Variants in GKAP1 observed in about 807,000 individuals in gnomAD.
The protein encoded by GKAP1 is G kinase anchoring protein 1, also known as G kinase-anchoring protein 1.
GKAP1 carries 31 observed loss-of-function variants against 56.7 expected under a neutral mutation model. The observed-to-expected ratio is 0.55, with a 90% CI of 0.41 to 0.74. The LOEUF is 0.74. GKAP1 is among the 30% of genes least tolerant of loss of function. The pLI, the probability that GKAP1 is intolerant of heterozygous loss-of-function variation, is 0.00. For missense variants in GKAP1, 364 were observed against 402.3 expected (o/e 0.90, Z 0.82); for synonymous variants, 151 against 138.6 (o/e 1.09, Z -0.63).
intron 10 of GKAP1, among the ~76,000 whole-genome samples, chr9:83,744,677 T>C (rs1217769718): frequency 6.6e-6 from 1 of 152,194 alleles, no homozygotes; most frequent in Non-Finnish European, 1.5e-5. Context: ...TCGTAAGTAT[T>C]GTGGGGATTT....
chr9:83,771,250 T>A (rs1309462369), intron 7 of GKAP1, among the ~76,000 whole-genome samples: 2 of 151,810 alleles, frequency 1.3e-5, no homozygotes, highest in African/African-American at 2.4e-5. Flanking sequence ...GTTTGTTTGT[T>A]TGTTTGTTTG....
chr9:83,805,228 C>T (rs993608824), intron 3 of GKAP1, among the ~76,000 whole-genome samples: 2 of 152,080 alleles, frequency 1.3e-5, no homozygotes, highest in Non-Finnish European at 2.9e-5. Flanking sequence ...GGATTAAGGG[C>T]GGTGCAAGAT....
intron 4 of GKAP1, 23 bp downstream of exon 4, chr9:83,799,162 C>G (rs773098104): frequency 1.2e-6 from 2 of 1,606,446 alleles, no homozygotes. Flanking sequence ...AAAAACAAAG[C>G]AATTTTATTT....
intron 3 of GKAP1, among the ~76,000 whole-genome samples, chr9:83,802,483 G>GAA (rs201998640): frequency 0.02 from 1,130 of 57,122 alleles, 24 homozygotes; most frequent in African/African-American, 0.063. Context: ...CTCCATCTCA[G>GAA]AAAAAAAAAA....
At chr9:83,810,058 C>T (rs757951660) in intron 2 of GKAP1, among the ~76,000 whole-genome samples, 10 of 152,128 alleles carry the variant, frequency 6.6e-5, no homozygotes, top group Admixed American at 3.3e-4. Context: ...GTGATCCTAC[C>T]GCCTTAGCCT....
At chr9:83,799,710 T>C (rs1241541367) in intron 3 of GKAP1, among the ~76,000 whole-genome samples, 3 of 152,084 alleles carry the variant, frequency 2.0e-5, no homozygotes, top group Admixed American at 1.3e-4. Context: ...TCTTAGCCCA[T>C]TGGAAGGGTG....
intron 10 of GKAP1, among the ~76,000 whole-genome samples, chr9:83,743,342 C>T (rs567959334): frequency 2.6e-5 from 4 of 152,030 alleles, no homozygotes; most frequent in Non-Finnish European, 5.9e-5. Flanking sequence ...CACCTGTAAT[C>T]CTAGCACTTT....
intron 8 of GKAP1, among the ~76,000 whole-genome samples, chr9:83,761,888 T>C (rs1587701476): frequency 6.6e-6 from 1 of 152,146 alleles, no homozygotes; most frequent in East Asian, 1.9e-4. Flanking sequence ...AAAAACTGGG[T>C]ATAGAAGGAA....
chr9:83,794,155 A>G (rs1412169839), intron 4 of GKAP1, among the ~76,000 whole-genome samples: 8 of 152,152 alleles, frequency 5.3e-5, no homozygotes, highest in Admixed American at 5.2e-4. Flanking sequence ...CGATGGGAGT[A>G]AGACCCCATC....
intron 8 of GKAP1, among the ~76,000 whole-genome samples, chr9:83,761,942 A>C (rs546032096): frequency 3.7e-4 from 54 of 145,390 alleles, no homozygotes; most frequent in African/African-American, 1.3e-3. Context: ...AACCCACAGC[A>C]AGTAATATAC....
intron 8 of GKAP1, among the ~76,000 whole-genome samples, chr9:83,763,528 A>G (rs963910783): frequency 1.3e-5 from 2 of 152,216 alleles, no homozygotes; most frequent in Admixed American, 6.5e-5. Context: ...CTTGGAACCC[A>G]TAAATATATA....
chr9:83,817,110 G>C lies in GKAP1; in HGVS notation c.-158C>G, dbSNP rs1944622789. On this transcript the variant is annotated 5_prime_UTR_variant, in exon 2 of 13. Coordinates refer to ENST00000376371, the MANE Select transcript of GKAP1 (RefSeq NM_025211.4). ...CGCTGGGCGAAACCTAACTCGGGCA[G>C]AGAAGCGGCTTCAAAACCTGAAAGG... The C allele has an allele frequency of 6.6e-6, 1 of 152,204 alleles. No homozygotes were observed. The highest frequency in any genetic ancestry group is 2.1e-4 in the South Asian group (1 of 4,838). The allele number at this position is 152,204 out of a possible 1,614,324, so 9.4% of individuals were successfully genotyped here. A position where few individuals can be genotyped will look rare whatever the true frequency, so the allele number is the denominator to read the frequency against.
chr9:83,806,527 T>C lies in GKAP1; in HGVS notation c.-10A>G. 6.2e-7 allele frequency: 1 copy of C among 1,608,774 alleles called. No individual in the cohort carries two copies. The highest frequency in any genetic ancestry group is 8.5e-7 in the Non-Finnish European group (1 of 1,177,730). ...GTACTGCTGAGGCCATCGTAAAGATTTTTCTTTTAAAATACTTCTGTCAAG... is the reference window on the plus strand; with the variant it reads ...GTACTGCTGAGGCCATCGTAAAGATCTTTCTTTTAAAATACTTCTGTCAAG... On this transcript the variant is annotated 5_prime_UTR_variant, in exon 3 of 13. Coordinates refer to ENST00000376371, the MANE Select transcript of GKAP1 (RefSeq NM_025211.4).
intron 8 of GKAP1, among the ~76,000 whole-genome samples, chr9:83,756,162 T>C (rs1293907711): frequency 6.6e-6 from 1 of 151,922 alleles, no homozygotes; most frequent in African/African-American, 2.4e-5. Flanking sequence ...AATTTACCTA[T>C]AAACTGAATT....
chr9:83,753,260 C>T lies in GKAP1; in HGVS notation c.838G>A (p.Glu280Lys), dbSNP rs1257225496. Reference protein sequence around the residue: ...QKLKNVITQWEAKYKEVKARN... With the variant: ...QKLKNVITQWKAKYKEVKARN... Reference sequence around the variant, plus strand: ...AACAACAGTAAATGGACACAAACCTCCCATTGAGTGATTACATTTTTCAGC... The same window carrying T: ...AACAACAGTAAATGGACACAAACCTTCCATTGAGTGATTACATTTTTCAGC... The change falls in exon 9 of 13, where the codon GAG (glutamate) becomes AAG (lysine). Residue 280 changes from glutamate (E) to lysine (K), a missense_variant and splice_region_variant. Physicochemically the swap from Glu to Lys is moderately conservative, Grantham distance 56. Transcript: ENST00000376371. 4 of 1,567,046 alleles carry T rather than the reference C, an allele frequency of 2.6e-6. No homozygotes were observed. The highest frequency in any genetic ancestry group is 2.6e-6 in the Non-Finnish European group (3 of 1,138,542).
At chr9:83,795,252 T>C (rs1172126791) in intron 4 of GKAP1, among the ~76,000 whole-genome samples, 1 of 151,502 alleles carries the variant, frequency 6.6e-6, no homozygotes. Flanking sequence ...TACTGGGATA[T>C]AATTTACATA....
At position 83,771,643 on chromosome 9, in the gene GKAP1, T is replaced by TC. The variant is rs757959471; in HGVS notation, c.586-2674dup. On this transcript the variant is annotated intron_variant, in intron 7 of 12. Transcript: ENST00000376371. ...GAGAAGTTGATGAGCAAGTATTATT[T>TC]CCCCCCCAAGTAATTATGGCCTTAA... Among the ~76,000 whole-genome samples, 57 of 151,904 alleles carry TC rather than the reference T, an allele frequency of 3.8e-4. 1 individual carries two copies. Among genetic ancestry groups the TC allele is most frequent in the East Asian group, 2.1e-3 (11 of 5,190 alleles).
chr9:83,755,824 G>C (rs1268504973), intron 8 of GKAP1, among the ~76,000 whole-genome samples: 1 of 123,966 alleles, frequency 8.1e-6, no homozygotes, highest in Non-Finnish European at 1.6e-5. Flanking sequence ...TTTTTTTTGA[G>C]ACGAAGTCTC....
At chr9:83,804,721 T>C (rs1278088813) in intron 3 of GKAP1, among the ~76,000 whole-genome samples, 12 of 89,754 alleles carry the variant, frequency 1.3e-4, no homozygotes, top group Admixed American at 1.3e-3. Flanking sequence ...GGGAGGGAGG[T>C]GGGGTCAGCC....
Sources: allele counts gnomAD v4.1 joint callset (sites outside exome capture counted in the v4.1 genomes callset), GRCh38; gene constraint gnomAD v4.1.1; transcripts MANE v1.5; gene names NCBI Gene and HGNC (gene_info 2026-07-23, HGNC 2026-07-21).